The following GABRB2 variants were observed in gnomAD, a reference collection of about 807,000 sequenced individuals.
GABRB2 encodes gamma-aminobutyric acid receptor subunit beta-2.
Under a neutral mutation model 54.7 loss-of-function variants are expected in GABRB2, and 16 were observed. The ratio of observed to expected loss-of-function variants is 0.29; its 90% CI spans 0.20 to 0.44. The LOEUF is 0.44. Ranked by LOEUF, GABRB2 falls within the 20% of genes least tolerant of loss-of-function variation. The pLI is 1.00. For synonymous variants in GABRB2, 244 were observed against 233.8 expected (o/e 1.04, Z -0.40); for missense variants, 355 against 644.0 (o/e 0.55, Z 4.86).
rs1375797036 is a variant in GABRB2, at chr5:161,398,677, TTG to T, written c.541+12296_541+12297del. Reference sequence around the variant, plus strand: ...TTTTTTGTTTGTTTGTCTGTTTTTTTTGTTGTTGTTGTTTTTGTTTTGTTTTG... The same window carrying T: ...TTTTTTGTTTGTTTGTCTGTTTTTTTTTGTTGTTGTTTTTGTTTTGTTTTG... On this transcript the variant is annotated intron_variant, in intron 5 of 9. Transcript: ENST00000393959. Among the ~76,000 whole-genome samples the T allele has an allele frequency of 2.9e-3, 432 of 147,954 alleles. 2 individuals carry two copies. The highest frequency in any genetic ancestry group is 0.011 in the African/African-American group (417 of 39,024).
In GABRB2 at chr5:161,454,133, G is replaced by A. The variant is rs180786316; in HGVS notation, c.458+5491C>T. Among the ~76,000 whole-genome samples, 16 of 152,030 alleles carry A rather than the reference G, an allele frequency of 1.1e-4. No homozygotes were observed. The East Asian group carries it at 2.5e-3, about 24-fold the overall frequency. ...AAATGGAGGAGTGATAAGACATGAT[G>A]AGAAGAAAAGGAGAGGCTTGGTTTA... On this transcript the variant is annotated intron_variant, in intron 4 of 9. Coordinates refer to ENST00000393959, the MANE Select transcript of GABRB2 (RefSeq NM_001371727.1).
intron 9 of GABRB2, among the ~76,000 whole-genome samples, chr5:161,305,064 C>T (rs1021459418): frequency 6.7e-5 from 9 of 133,632 alleles, no homozygotes; most frequent in East Asian, 2.2e-4. Flanking sequence ...GGCCGGACTG[C>T]GGACTGCAGT....
chr5:161,440,673 CA>C (rs1016845894), intron 4 of GABRB2, among the ~76,000 whole-genome samples: 2 of 151,952 alleles, frequency 1.3e-5, no homozygotes, highest in Non-Finnish European at 2.9e-5. Context: ...TTATTCTAAG[CA>C]AAAAGAACAA....
intron 3 of GABRB2, among the ~76,000 whole-genome samples, chr5:161,540,253 A>C (rs1266035563): frequency 6.6e-6 from 1 of 152,222 alleles, no homozygotes; most frequent in Non-Finnish European, 1.5e-5. Flanking sequence ...AACAATGTTC[A>C]CAGCGTCTTC....
intron 3 of GABRB2, among the ~76,000 whole-genome samples, chr5:161,487,608 G>C (rs1758966796): frequency 6.6e-6 from 1 of 151,848 alleles, no homozygotes; most frequent in Non-Finnish European, 1.5e-5. Context: ...ACCCAGTCCT[G>C]GTTCTGCTCC....
At chr5:161,537,292 T>C (rs1760667825) in intron 3 of GABRB2, among the ~76,000 whole-genome samples, 1 of 152,240 alleles carries the variant, frequency 6.6e-6, no homozygotes, top group Non-Finnish European at 1.5e-5. Context: ...AAGCACCACT[T>C]ATATGCTGAC....
chr5:161,438,147 G>A (rs1442925581), intron 4 of GABRB2, among the ~76,000 whole-genome samples: 1 of 152,210 alleles, frequency 6.6e-6, no homozygotes, highest in Non-Finnish European at 1.5e-5. Context: ...AGTGGTGGTG[G>A]CAACAGGGGT....
intron 3 of GABRB2, among the ~76,000 whole-genome samples, chr5:161,528,987 T>G (rs1292041318): frequency 6.6e-6 from 1 of 151,912 alleles, no homozygotes; most frequent in Non-Finnish European, 1.5e-5. Flanking sequence ...ATGTATGACA[T>G]GAAGGGCTGC....
At chr5:161,406,513 G>C (rs1756352792) in intron 5 of GABRB2, among the ~76,000 whole-genome samples, 1 of 151,942 alleles carries the variant, frequency 6.6e-6, no homozygotes, top group African/African-American at 2.4e-5. Flanking sequence ...CCAAAACTGG[G>C]ATTATTATAG....
At chr5:161,517,189 G>A (rs1261316438) in intron 3 of GABRB2, among the ~76,000 whole-genome samples, 2 of 152,098 alleles carry the variant, frequency 1.3e-5, no homozygotes. Context: ...CTGTGATGAA[G>A]GGGTTATATT....
Position 161,294,262 on chromosome 5 carries a change from C to T in GABRB2, c.1358G>A (p.Arg453Gln), listed in dbSNP as rs371728438. The T allele has an allele frequency of 1.5e-5, 24 of 1,614,024 alleles. No homozygotes were observed. Among genetic ancestry groups the T allele is most frequent in the Non-Finnish European group, 1.9e-5 (22 of 1,180,008 alleles). Residue 453 changes from arginine (R) to glutamine (Q), a missense_variant, in exon 10 of 10, where the codon CGA (arginine) becomes CAA (glutamine). Arg to Gln is a conservative substitution (Grantham distance 43). Around this residue, in one of 6 missense-constraint regions of GABRB2, gnomAD observed 201 missense variants for 228.1 expected, o/e 0.88. Coordinates refer to ENST00000393959, the MANE Select transcript of GABRB2 (RefSeq NM_001371727.1). ...KAGLPRHSFGRNALERHVAQK... is the reference protein window; with the variant it reads ...KAGLPRHSFGQNALERHVAQK... ...CGCCACATGTCGTTCCAGAGCATTTCGGCCAAAACTATGCCTGGGCAACCC... is the reference window on the plus strand; with the variant it reads ...CGCCACATGTCGTTCCAGAGCATTTTGGCCAAAACTATGCCTGGGCAACCC...
rs375758935 is a variant in GABRB2 at position 161,294,440 on chromosome 5, G to T, written c.1192-12C>A. On this transcript the variant is annotated splice_polypyrimidine_tract_variant and intron_variant, in intron 9 of 9. Transcript: ENST00000393959. ...TCATGGGGGTCCATCTGCAAGGGAA[G>T]AGAATCAAAAAGACAATCAGAACAA... The T allele has an allele frequency of 8.1e-6, 13 of 1,603,738 alleles. No individual in the cohort carries two copies. The African/African-American group carries it at 1.6e-4, about 20-fold the overall frequency.
At chr5:161,337,550 G>T (rs1373049961) in intron 5 of GABRB2, among the ~76,000 whole-genome samples, 3 of 152,068 alleles carry the variant, frequency 2.0e-5, no homozygotes, top group Non-Finnish European at 4.4e-5. Flanking sequence ...GCATATCAGG[G>T]CACAGTTGCT....
chr5:161,374,801 C>T (rs921108346), intron 5 of GABRB2, among the ~76,000 whole-genome samples: 1 of 152,074 alleles, frequency 6.6e-6, no homozygotes, highest in African/African-American at 2.4e-5. Context: ...AACTATACAC[C>T]ACATTATATA....
At chr5:161,353,934 T>A (rs750481548) in intron 5 of GABRB2, among the ~76,000 whole-genome samples, 1 of 152,022 alleles carries the variant, frequency 6.6e-6, no homozygotes, top group Non-Finnish European at 1.5e-5. Context: ...CTCAATTGAT[T>A]TTCAGATCCA....
chr5:161,546,761 G>T, upstream of GABRB2: 1 of 1,506,364 alleles, frequency 6.6e-7, no homozygotes, highest in South Asian at 1.3e-5. Context: ...AACATCAAAG[G>T]GGAAGCGGCG....
At position 161,291,124 on chromosome 5, in the gene GABRB2, G is replaced by A. The variant is rs168697; in HGVS notation, c.*2957C>T. 0.96 allele frequency: 147,086 copies of A among 152,598 alleles called. 70,931 individuals carry two copies. The highest frequency in any genetic ancestry group is 1 in the East Asian group (5,166 of 5,168). The allele number at this position is 152,598 out of a possible 1,614,324, so 9.5% of individuals were successfully genotyped here. A position where few individuals can be genotyped will look rare whatever the true frequency, so the allele number is the denominator to read the frequency against. On this transcript the variant is annotated 3_prime_UTR_variant, in exon 10 of 10. Transcript: ENST00000393959. The stretch of plus-strand genomic sequence containing the variant: ...TGAAATGCATTTCATACCTACTAGC[G>A]GTCATGTACAATATATATATATACA...
intron 5 of GABRB2, among the ~76,000 whole-genome samples, chr5:161,359,114 C>G (rs1754727008): frequency 4.6e-5 from 7 of 151,884 alleles, no homozygotes; most frequent in Admixed American, 4.6e-4. Flanking sequence ...TCTTTTTTTG[C>G]ATTGGCAGAG....
At chr5:161,390,815 G>A (rs1416924323) in intron 5 of GABRB2, among the ~76,000 whole-genome samples, 2 of 152,076 alleles carry the variant, frequency 1.3e-5, no homozygotes, top group Non-Finnish European at 1.5e-5. Context: ...ATCCCACAAC[G>A]TAAGGCTTTC....
Sources: gnomAD v4.1 joint callset for allele counts (sites outside exome capture counted in the v4.1 genomes callset) on GRCh38, gnomAD v4.1.1 for gene constraint, gnomAD v4.1.1 regional missense constraint, MANE v1.5 for transcripts, NCBI Gene and HGNC (gene_info 2026-07-23, HGNC 2026-07-21) for gene names.